The following SPIDR variants were observed in gnomAD, a reference collection of about 807,000 sequenced individuals.
The protein encoded by SPIDR is scaffold protein involved in DNA repair, also known as DNA repair-scaffolding protein.
Under a neutral mutation model 104.6 loss-of-function variants are expected in SPIDR, and 93 were observed. That is an observed-to-expected ratio of 0.89 (90% CI 0.75 to 1.06). SPIDR has a LOEUF of 1.06. Among genes scored for constraint, SPIDR ranks in the 50% least tolerant of loss-of-function variants. The pLI is 0.00. For synonymous variants in SPIDR, 431 were observed against 416.9 expected, an observed-to-expected ratio of 1.03 and a Z score of -0.41; for missense variants, 1,154 against 1,111.2, an observed-to-expected ratio of 1.04 and a Z score of -0.55.
At chr8:47,729,556 G>T (rs1415485956) in intron 19 of SPIDR, 91 bp downstream of exon 19, 3 of 1,435,058 alleles carry the variant, frequency 2.1e-6, no homozygotes, top group Non-Finnish European at 2.8e-6. Flanking sequence ...TCCCAAATGT[G>T]TTCTATTACA....
At chr8:47,310,353 A>T (rs1022826742) in intron 5 of SPIDR, among the ~76,000 whole-genome samples, 10 of 151,254 alleles carry the variant, frequency 6.6e-5, no homozygotes, top group Admixed American at 4.0e-4. Flanking sequence ...AAAAAAAAAA[A>T]GTCACTATGG....
At chr8:47,454,385 C>G (rs1162194680) in intron 8 of SPIDR, among the ~76,000 whole-genome samples, 1 of 151,924 alleles carries the variant, frequency 6.6e-6, no homozygotes, top group African/African-American at 2.4e-5. Flanking sequence ...GGACAAAAAA[C>G]CAAACACCGC....
chr8:47,723,219 C>T (rs572361066), intron 16 of SPIDR, among the ~76,000 whole-genome samples: 102 of 152,098 alleles, frequency 6.7e-4, no homozygotes, highest in African/African-American at 2.3e-3. Flanking sequence ...TTGTTCACTC[C>T]GATAGTCTCT....
At chr8:47,478,061 C>T (rs1188051102) in intron 8 of SPIDR, among the ~76,000 whole-genome samples, 1 of 152,168 alleles carries the variant, frequency 6.6e-6, no homozygotes, top group Non-Finnish European at 1.5e-5. Flanking sequence ...AGAGTGCTAG[C>T]AGCACCCAGG....
At chr8:47,492,455 C>T (rs1366396607) in intron 8 of SPIDR, among the ~76,000 whole-genome samples, 5 of 152,264 alleles carry the variant, frequency 3.3e-5, no homozygotes, top group Middle Eastern at 3.4e-3. Context: ...ACTTCTTGCA[C>T]CCTGCTGATT....
intron 5 of SPIDR, among the ~76,000 whole-genome samples, chr8:47,339,585 G>A (rs543478056): frequency 6.6e-6 from 1 of 151,884 alleles, no homozygotes; most frequent in African/African-American, 2.4e-5. Context: ...TGCATTTAGA[G>A]GACTGTTTAG....
At chr8:47,320,850 A>G (rs782047950) in intron 5 of SPIDR, among the ~76,000 whole-genome samples, 9 of 152,216 alleles carry the variant, frequency 5.9e-5, no homozygotes, top group Non-Finnish European at 1.2e-4. Flanking sequence ...GTAAAACCAC[A>G]TGATTATCTC....
chr8:47,320,502 G>A (rs970449000), intron 5 of SPIDR, among the ~76,000 whole-genome samples: 23 of 152,084 alleles, frequency 1.5e-4, no homozygotes, highest in Admixed American at 8.5e-4. Flanking sequence ...ATTTACAGCC[G>A]AATTCTACCA....
chr8:47,631,193 A>G (rs897959736), intron 10 of SPIDR, among the ~76,000 whole-genome samples: 2 of 152,178 alleles, frequency 1.3e-5, no homozygotes, highest in African/African-American at 2.4e-5. Context: ...CATGCAACCC[A>G]TGGATCCTCT....
chr8:47,508,975 T>G (rs936759287), intron 8 of SPIDR, among the ~76,000 whole-genome samples: 1 of 152,156 alleles, frequency 6.6e-6, no homozygotes, highest in African/African-American at 2.4e-5. Flanking sequence ...GGAAGTGTTC[T>G]TTCTTAAAGG....
At chr8:47,719,106 A>G (rs1230014585) in intron 16 of SPIDR, among the ~76,000 whole-genome samples, 1 of 152,182 alleles carries the variant, frequency 6.6e-6, no homozygotes, top group East Asian at 1.9e-4. Context: ...TTTGCCAATG[A>G]GAAGTTCTAG....
chr8:47,521,825 T>A (rs1023608410), intron 8 of SPIDR, among the ~76,000 whole-genome samples: 1 of 152,020 alleles, frequency 6.6e-6, no homozygotes, highest in Admixed American at 6.6e-5. Context: ...TCAACAAGAT[T>A]GGGGAGTGTT....
At chr8:47,403,359 A>G (rs180877113) in intron 6 of SPIDR, among the ~76,000 whole-genome samples, 18 of 152,340 alleles carry the variant, frequency 1.2e-4, no homozygotes, top group East Asian at 3.9e-4. Flanking sequence ...GGCCAGGGCA[A>G]TCAGGCAAGA....
intron 8 of SPIDR, among the ~76,000 whole-genome samples, chr8:47,534,016 G>A (rs1287999607): frequency 6.6e-6 from 1 of 152,150 alleles, no homozygotes; most frequent in African/African-American, 2.4e-5. Flanking sequence ...ATTGAATCAT[G>A]GGGACCATTT....
chr8:47,341,023 A>T (rs1419586955), intron 5 of SPIDR, among the ~76,000 whole-genome samples: 1 of 152,158 alleles, frequency 6.6e-6, no homozygotes, highest in African/African-American at 2.4e-5. Flanking sequence ...ACCTGAATGG[A>T]CTGTGGGAGC....
chr8:47,729,728 TTTTTG>T, intron 19 of SPIDR: 1 of 498,344 alleles, frequency 2.0e-6, no homozygotes, highest in South Asian at 2.9e-5. Flanking sequence ...TTTGTTTTTG[TTTTTG>T]TTTTTAGACA....
At chr8:47,412,498 T>G (rs2063678650) in intron 7 of SPIDR, among the ~76,000 whole-genome samples, 2 of 152,172 alleles carry the variant, frequency 1.3e-5, no homozygotes, top group Admixed American at 1.3e-4. Context: ...TTCCAATATT[T>G]TACCAGAAGT....
At position 47,595,841 on chromosome 8, in the gene SPIDR, C is replaced by A. The variant is rs762987427; in HGVS notation, c.1128C>A (p.Cys376Ter). 1 of 1,614,042 alleles carries A rather than the reference C, an allele frequency of 6.2e-7. No individual in the cohort carries two copies. Among genetic ancestry groups the A allele is most frequent in the South Asian group, 1.1e-5 (1 of 91,020 alleles). ...WQKLIIPSGS[C>*]PVILNTYFCE... ...AACTGATTATTCCAAGTGGAAGTTGCCCTGTTATTCTGAATACTTACTTTT... is the reference window on the plus strand; with the variant it reads ...AACTGATTATTCCAAGTGGAAGTTGACCTGTTATTCTGAATACTTACTTTT... The change falls in exon 9 of 20, where the codon TGC becomes TGA. Residue 376 changes from cysteine (C) to a stop codon, truncating the protein, a stop_gained. Transcript: ENST00000297423. LOFTEE classifies it high-confidence loss of function.
At chr8:47,463,519 T>C (rs567407350) in intron 8 of SPIDR, among the ~76,000 whole-genome samples, 25 of 152,188 alleles carry the variant, frequency 1.6e-4, no homozygotes, top group African/African-American at 5.8e-4. Flanking sequence ...TCCTAACTCA[T>C]TCCCTGAGGC....
Sources: allele counts gnomAD v4.1 joint callset (sites outside exome capture counted in the v4.1 genomes callset), GRCh38; gene constraint gnomAD v4.1.1; transcripts MANE v1.5; gene names NCBI Gene and HGNC (gene_info 2026-07-23, HGNC 2026-07-21).